AP2A2: variants seen among roughly 807,000 people sequenced by gnomAD.
AP2A2 encodes the protein AP-2 complex subunit alpha-2.
In AP2A2, 32 loss-of-function variants were observed where a neutral mutation model predicts 104.2. The ratio of observed to expected loss-of-function variants is 0.31; its 90% CI spans 0.23 to 0.41. The LOEUF is 0.41. AP2A2 is among the 10% of genes least tolerant of loss of function. The pLI is 1.00. For missense variants in AP2A2, 912 were observed against 1,261.0 expected, an observed-to-expected ratio of 0.72 and a Z score of 4.19; for synonymous variants, 539 against 533.3, an observed-to-expected ratio of 1.01 and a Z score of -0.15.
chr11:1,001,863 C>T (rs908333660), intron 15 of AP2A2, among the ~76,000 whole-genome samples: 8 of 152,316 alleles, frequency 5.3e-5, no homozygotes, highest in African/African-American at 1.9e-4. Context: ...CTGTCTGCAG[C>T]TGGCCAGGCC....
At chr11:937,945 C>T (rs923134691) in intron 1 of AP2A2, among the ~76,000 whole-genome samples, 1 of 152,180 alleles carries the variant, frequency 6.6e-6, no homozygotes, top group African/African-American at 2.4e-5. Context: ...TCGGTTTGCC[C>T]CTGAGATGCC....
chr11:937,906 C>T (rs1452911657), intron 1 of AP2A2, among the ~76,000 whole-genome samples: 4 of 152,160 alleles, frequency 2.6e-5, no homozygotes, highest in Non-Finnish European at 4.4e-5. Flanking sequence ...CCGGAGCTCC[C>T]GAGAGGTGGA....
chr11:928,501 A>C (rs891971022), intron 1 of AP2A2, among the ~76,000 whole-genome samples: 3 of 152,230 alleles, frequency 2.0e-5, no homozygotes, highest in African/African-American at 4.8e-5. Flanking sequence ...TATAGACCAG[A>C]CTTTCTCCAA....
At chr11:1,001,834 C>T (rs1203437110) in intron 15 of AP2A2, among the ~76,000 whole-genome samples, 2 of 152,262 alleles carry the variant, frequency 1.3e-5, no homozygotes, top group East Asian at 1.9e-4. Flanking sequence ...CCCTTGTGCA[C>T]GCCTCACATT....
At chr11:991,556 G>A (rs1160706675) in intron 10 of AP2A2, among the ~76,000 whole-genome samples, 2 of 152,216 alleles carry the variant, frequency 1.3e-5, no homozygotes, top group African/African-American at 4.8e-5. Context: ...AAGCAGACAT[G>A]GGGACCCTGC....
chr11:991,099 G>A (rs6597953), intron 10 of AP2A2, among the ~76,000 whole-genome samples: 81,520 of 149,158 alleles, frequency 0.55, 23,389 homozygotes, highest in Middle Eastern at 0.72. Flanking sequence ...CCTTTCAGCC[G>A]GGTATGGTGC....
chr11:1,000,582 G>A lies in AP2A2; in HGVS notation c.2107G>A (p.Glu703Lys), dbSNP rs1456413014. The A allele has an allele frequency of 4.5e-6, 7 of 1,547,712 alleles. No homozygotes were observed. Among genetic ancestry groups the A allele is most frequent in the South Asian group, 2.4e-5 (2 of 84,712 alleles). The change falls in exon 15 of 22, where the codon GAA becomes AAA. Residue 703 changes from glutamate to lysine, a missense_variant. Glu to Lys is a moderately conservative substitution (Grantham distance 56, BLOSUM62 1). Coordinates refer to ENST00000448903, the MANE Select transcript of AP2A2 (RefSeq NM_012305.4). ...GGTCGCGCCTCTCGCTCCTGGCTCCGAAGACAACTTTGCCAGGTAGTCAGG... is the reference window on the plus strand; with the variant it reads ...GGTCGCGCCTCTCGCTCCTGGCTCCAAAGACAACTTTGCCAGGTAGTCAGG... ...SVVAPLAPGS[E>K]DNFARFVCKN...
chr11:947,277 C>A (rs1420664809), intron 1 of AP2A2, among the ~76,000 whole-genome samples: 1 of 152,124 alleles, frequency 6.6e-6, no homozygotes, highest in Admixed American at 6.6e-5. Flanking sequence ...TCCCAAAGAG[C>A]TGAGATTGCA....
intron 1 of AP2A2, among the ~76,000 whole-genome samples, chr11:933,855 T>C (rs1434885484): frequency 2.0e-5 from 3 of 152,150 alleles, no homozygotes; most frequent in Admixed American, 6.6e-5. Flanking sequence ...AACTTGTATC[T>C]TCTGTTCAGT....
At position 1,011,285 on chromosome 11, in the gene AP2A2, G is replaced by A. The variant is rs781676435; in HGVS notation, c.*660G>A. The A allele has an allele frequency of 1.7e-5, 9 of 518,772 alleles. No homozygotes were observed. Among genetic ancestry groups the A allele is most frequent in the African/African-American group, 1.2e-4 (6 of 51,974 alleles). The allele number at this position is 518,772 out of a possible 1,614,324, so 32.1% of individuals were successfully genotyped here. A position where few individuals can be genotyped will look rare whatever the true frequency, so the allele number is the denominator to read the frequency against. On this transcript the variant is annotated 3_prime_UTR_variant, in exon 22 of 22. Transcript: ENST00000448903. The stretch of plus-strand genomic sequence containing the variant: ...CGTCTGTTATGCTCCTGCAGTCGCC[G>A]AGGCCTTGGATGTGCAGCCAGGGGA...
At chr11:929,245 G>A (rs1408547755) in intron 1 of AP2A2, among the ~76,000 whole-genome samples, 1 of 152,164 alleles carries the variant, frequency 6.6e-6, no homozygotes, top group Non-Finnish European at 1.5e-5. Context: ...GGCCAGCTCT[G>A]ATTTTGTGTG....
chr11:999,496 CAAAA>C (rs879641342), intron 14 of AP2A2, among the ~76,000 whole-genome samples: 5 of 151,272 alleles, frequency 3.3e-5, no homozygotes, highest in African/African-American at 9.7e-5. Context: ...GAGACTGTCT[CAAAA>C]AAAACAAAAA....
intron 10 of AP2A2, among the ~76,000 whole-genome samples, chr11:991,358 A>G (rs548710284): frequency 2.2e-4 from 33 of 152,260 alleles, no homozygotes; most frequent in African/African-American, 6.7e-4. Flanking sequence ...GAAGTGCCTC[A>G]TGTTCTGGGG....
chr11:980,740 C>G (rs1855210238), intron 5 of AP2A2, among the ~76,000 whole-genome samples: 1 of 152,250 alleles, frequency 6.6e-6, no homozygotes, highest in Non-Finnish European at 1.5e-5. Context: ...AAGGACTTCT[C>G]CAGTTGCTCT....
rs563337214 is a variant in AP2A2, at chr11:1,008,255, C to G, written c.2420+120C>G. The G allele has an allele frequency of 2.9e-6, 4 of 1,362,012 alleles. No individual in the cohort carries two copies. The South Asian group carries it at 5.9e-5, about 20-fold the overall frequency. The allele number at this position is 1,362,012 out of a possible 1,614,324, so 84.4% of individuals were successfully genotyped here. A position where few individuals can be genotyped will look rare whatever the true frequency, so the allele number is the denominator to read the frequency against. On this transcript the variant is annotated intron_variant, in intron 18 of 21. Transcript: ENST00000448903. Reference sequence around the variant, plus strand: ...GGGACCCGGGGCGTGCGGGTGCTCACGGTGCATGGATGCGGCCTGAGCTAT... The same window carrying G: ...GGGACCCGGGGCGTGCGGGTGCTCAGGGTGCATGGATGCGGCCTGAGCTAT...
intron 1 of AP2A2, among the ~76,000 whole-genome samples, chr11:926,883 G>A (rs911241670): frequency 8.5e-5 from 13 of 152,136 alleles, no homozygotes; most frequent in Non-Finnish European, 1.8e-4. Context: ...CCTGTTAGAA[G>A]GATGTGCAGG....
At chr11:977,547 T>C (rs1415235580) in intron 5 of AP2A2, among the ~76,000 whole-genome samples, 1 of 150,314 alleles carries the variant, frequency 6.7e-6, no homozygotes, top group African/African-American at 2.5e-5. Flanking sequence ...GCCTGTGCCC[T>C]CATCTAGGCT....
rs1337590899 is a variant in AP2A2, at chr11:988,151, C to T, written c.1132-401C>T. On this transcript the variant is annotated intron_variant, in intron 9 of 21. Transcript: ENST00000448903. ...CATCAGCACGGGCTCTGGGGTGGGG[C>T]GTGAGGACCTGCCTTGGGGCAGCTC... is the stretch of plus-strand genomic sequence containing the variant. Among the ~76,000 whole-genome samples the T allele has an allele frequency of 2.0e-5, 3 of 152,256 alleles. No homozygotes were observed. In the East Asian group the frequency reaches 5.8e-4, roughly 29 times the overall value.
Position 992,286 on chromosome 11 carries a change from C to T in AP2A2, c.1270-217C>T, listed in dbSNP as rs117763266. 0.023 allele frequency among the ~76,000 whole-genome samples: 3,491 copies of T among 152,264 alleles called. 54 individuals are homozygous for T. The highest frequency in any genetic ancestry group is 0.035 in the Non-Finnish European group (2,377 of 68,008). On this transcript the variant is annotated intron_variant, in intron 10 of 21. Transcript: ENST00000448903. This position sits in a 1 kb window ranked among gnomAD's most constrained non-coding sequence, Gnocchi z 6.4. ...CCGTGGCCTTCTGTGCACTGGTCTC[C>T]GCCTCTTCCTGGCTTTCTTTGCTTA...
Sources: gnomAD v4.1 joint callset for allele counts (sites outside exome capture counted in the v4.1 genomes callset) on GRCh38, gnomAD v4.1.1 for gene constraint, Gnocchi (gnomAD v3.1) non-coding constraint, MANE v1.5 for transcripts, NCBI Gene and HGNC (gene_info 2026-07-23, HGNC 2026-07-21) for gene names.